Variants in PPA2 observed in about 807,000 individuals in gnomAD.
The protein encoded by PPA2 is inorganic pyrophosphatase 2.
PPA2 carries 48 observed loss-of-function variants against 49.5 expected under a neutral mutation model. That is an observed-to-expected ratio of 0.97 (90% CI 0.77 to 1.23). The LOEUF (loss-of-function observed/expected upper bound fraction) is 1.23, where lower values mean the gene tolerates loss of function less well. PPA2 is among the 50% of genes most tolerant of loss of function. The pLI is 0.00. For synonymous variants in PPA2, 131 were observed against 139.9 expected (o/e 0.94, Z 0.45); for missense variants, 429 against 410.1 (o/e 1.05, Z -0.40).
intron 1 of PPA2, among the ~76,000 whole-genome samples, chr4:105,469,739 C>G (rs1553930500): frequency 6.6e-6 from 1 of 152,114 alleles, no homozygotes; most frequent in Non-Finnish European, 1.5e-5. Context: ...AAATAAAATA[C>G]TTTTTCTATA....
chr4:105,371,329 G>T (rs1733018628), intron 10 of PPA2, among the ~76,000 whole-genome samples: 1 of 152,164 alleles, frequency 6.6e-6, no homozygotes, highest in South Asian at 2.1e-4. Context: ...GCTGGGCCAA[G>T]ATTCTGAGAA....
intron 5 of PPA2, among the ~76,000 whole-genome samples, chr4:105,443,404 C>T (rs1288737877): frequency 3.5e-4 from 45 of 127,526 alleles, no homozygotes; most frequent in African/African-American, 1.3e-3. Context: ...GGCTGGCTTT[C>T]ATTTTAACAG....
At chr4:105,463,894 T>A (rs1723193669) in intron 1 of PPA2, among the ~76,000 whole-genome samples, 1 of 152,192 alleles carries the variant, frequency 6.6e-6, no homozygotes, top group Non-Finnish European at 1.5e-5. Flanking sequence ...AGGCAAAAGT[T>A]TGCTGCAGTG....
In PPA2 at chr4:105,369,750, T is replaced by C. The variant is rs142485143; in HGVS notation, c.980A>G (p.Gln327Arg). 1 of 1,588,320 alleles carries C rather than the reference T, an allele frequency of 6.3e-7. No homozygotes were observed. Among genetic ancestry groups the C allele is most frequent in the Non-Finnish European group, 8.6e-7 (1 of 1,156,748 alleles). The change falls in exon 12 of 12, where the codon CAA becomes CGA. Residue 327 changes from glutamine (Q) to arginine (R), a missense_variant. Coordinates refer to ENST00000341695, the MANE Select transcript of PPA2 (RefSeq NM_176869.3). ...TCACTTGCCAAGGAAGTGCCACACTTGCTCTGCATTTAAAATGGGGAAAGA... is the reference window on the plus strand; with the variant it reads ...TCACTTGCCAAGGAAGTGCCACACTCGCTCTGCATTTAAAATGGGGAAAGA... ...SPNKESNEEE[Q>R]VWHFLGK
chr4:105,466,096 C>A (rs1578890816), intron 1 of PPA2, among the ~76,000 whole-genome samples: 1 of 152,140 alleles, frequency 6.6e-6, no homozygotes, highest in African/African-American at 2.4e-5. Context: ...CAACCCACTA[C>A]ACCTTCTACT....
At chr4:105,433,332 C>T (rs1347958082) in intron 6 of PPA2, among the ~76,000 whole-genome samples, 4 of 152,156 alleles carry the variant, frequency 2.6e-5, no homozygotes, top group African/African-American at 9.7e-5. Context: ...TCTTAACCTG[C>T]TTTTCTATTT....
intron 1 of PPA2, among the ~76,000 whole-genome samples, chr4:105,470,708 C>A (rs1723488432): frequency 6.6e-6 from 1 of 152,140 alleles, no homozygotes; most frequent in Admixed American, 6.5e-5. Context: ...GTGTGAGACA[C>A]TGATAATTAC....
chr4:105,369,417 G>A lies in PPA2; in HGVS notation c.*308C>T, dbSNP rs1732932456. ...TTTTTGTATTTTTAATAGAGATGGG[G>A]TTTCAACATACTGGCCAGGCTGGTC... On this transcript the variant is annotated 3_prime_UTR_variant, in exon 12 of 12. Coordinates refer to ENST00000341695, the MANE Select transcript of PPA2 (RefSeq NM_176869.3). The A allele has an allele frequency of 3.8e-6, 1 of 262,374 alleles. No homozygotes were observed. The highest frequency in any genetic ancestry group is 7.3e-6 in the Non-Finnish European group (1 of 136,324). The allele number at this position is 262,374 out of a possible 1,614,324, so 16.3% of individuals were successfully genotyped here.
chr4:105,413,526 G>A lies in PPA2; in HGVS notation c.655+10670C>T, dbSNP rs137997629. On this transcript the variant is annotated intron_variant, in intron 7 of 11. Transcript: ENST00000341695. The stretch of plus-strand genomic sequence containing the variant: ...CAAGTTTGAAAAAGTAGAACAAAAG[G>A]TGGAAGATTAGTCTCATATATGCCT... 2.0e-3 allele frequency among the ~76,000 whole-genome samples: 307 copies of A among 152,156 alleles called. 5 individuals are homozygous for A. Among genetic ancestry groups the A allele is most frequent in the African/African-American group, 7.2e-3 (301 of 41,522 alleles).
At position 105,402,976 on chromosome 4, in the gene PPA2, ATTCT is replaced by A. The variant is rs148852189; in HGVS notation, c.656-3816_656-3813del. 6.5e-3 allele frequency among the ~76,000 whole-genome samples: 989 copies of A among 152,006 alleles called. 12 individuals carry two copies. The highest frequency in any genetic ancestry group is 0.023 in the African/African-American group (954 of 41,432). ...TGTAAAACTGAAAGCAGTCCTCAAAATTCTTTCTTTTTCTTTCCTCTTTTTCTTT... is the reference window on the plus strand; with the variant it reads ...TGTAAAACTGAAAGCAGTCCTCAAAATTCTTTTTCTTTCCTCTTTTTCTTT... On this transcript the variant is annotated intron_variant, in intron 7 of 11. Coordinates refer to ENST00000341695, the MANE Select transcript of PPA2 (RefSeq NM_176869.3).
chr4:105,386,678 A>C (rs778900508), intron 9 of PPA2, 42 bp from the exon 10 acceptor site: 2 of 1,565,528 alleles, frequency 1.3e-6, no homozygotes, highest in South Asian at 2.3e-5. Flanking sequence ...CAGGATAAAA[A>C]GAAACAATTA....
chr4:105,405,347 G>A (rs1161360260), intron 7 of PPA2: 1 of 761,624 alleles, frequency 1.3e-6, no homozygotes, highest in Admixed American at 6.3e-5. Flanking sequence ...TTCACTTATA[G>A]TAAAGACCCT....
intron 6 of PPA2, among the ~76,000 whole-genome samples, chr4:105,436,241 C>T (rs1724049111): frequency 6.6e-6 from 1 of 151,946 alleles, no homozygotes; most frequent in African/African-American, 2.4e-5. Context: ...CACACACACA[C>T]ACCCCGCAGG....
chr4:105,450,601 C>CTTTTTTTTTTTTTTTTTTTTTTTT (rs575896250), intron 3 of PPA2, among the ~76,000 whole-genome samples: 11 of 82,664 alleles, frequency 1.3e-4, no homozygotes, highest in Non-Finnish European at 1.8e-4. Flanking sequence ...GTCTGGAATT[C>CTTTTTTTTTTTTTTTTTTTTTTTT]TTTTTTTTTT....
chr4:105,398,708 A>T (rs1159054750), intron 8 of PPA2: 2 of 179,358 alleles, frequency 1.1e-5, no homozygotes, highest in African/African-American at 4.8e-5. Flanking sequence ...AAGGGTGAGT[A>T]ACTTTCTCCT....
At chr4:105,385,244 C>G (rs1733633975) in intron 10 of PPA2, among the ~76,000 whole-genome samples, 1 of 152,144 alleles carries the variant, frequency 6.6e-6, no homozygotes, top group Non-Finnish European at 1.5e-5. Flanking sequence ...ATTTATTGCT[C>G]TCTGAAACGT....
chr4:105,437,900 A>G, intron 6 of PPA2, 50 bp downstream of exon 6: 1 of 1,436,500 alleles, frequency 7.0e-7, no homozygotes, highest in Non-Finnish European at 9.5e-7. Context: ...ATTTTATGGC[A>G]TGAATAAACC....
chr4:105,451,900 C>T (rs1722693831), intron 3 of PPA2, among the ~76,000 whole-genome samples: 1 of 152,132 alleles, frequency 6.6e-6, no homozygotes, highest in Non-Finnish European at 1.5e-5. Flanking sequence ...CAATGTTAGC[C>T]TGGTTTTCCT....
At chr4:105,395,869 C>A (rs1474050916) in intron 9 of PPA2, among the ~76,000 whole-genome samples, 1 of 152,048 alleles carries the variant, frequency 6.6e-6, no homozygotes, top group African/African-American at 2.4e-5. Context: ...TTACTTAATT[C>A]CTCTTAATCA....
Sources: gnomAD v4.1 joint callset for allele counts (sites outside exome capture counted in the v4.1 genomes callset) on GRCh38, gnomAD v4.1.1 for gene constraint, MANE v1.5 for transcripts, NCBI Gene and HGNC (gene_info 2026-07-23, HGNC 2026-07-21) for gene names.